DGKB: variants seen among roughly 807,000 people sequenced by gnomAD.
The protein encoded by DGKB is diacylglycerol kinase beta.
DGKB carries 67 observed loss-of-function variants against 114.3 expected under a neutral mutation model. The observed-to-expected ratio is 0.59, with a 90% CI of 0.48 to 0.72. The LOEUF (loss-of-function observed/expected upper bound fraction) is 0.72. DGKB is among the 30% of genes least tolerant of loss of function. The pLI, the probability that DGKB is intolerant of heterozygous loss-of-function variation, is 0.00. For missense variants in DGKB, 907 were observed against 975.2 expected, an observed-to-expected ratio of 0.93 and a Z score of 0.93; for synonymous variants, 398 against 323.1, an observed-to-expected ratio of 1.23 and a Z score of -2.49.
chr7:14,718,109 G>A lies in DGKB; in HGVS notation c.466+433C>T, dbSNP rs553237423. ...TGTGTCTCTGCCAACAAGAGTGTTA[G>A]TGCTGAAGATTGCAAGGGAGATTTC... On this transcript the variant is annotated intron_variant, in intron 6 of 25. Coordinates refer to ENST00000402815, the MANE Select transcript of DGKB (RefSeq NM_001350709.2). Among the ~76,000 whole-genome samples the A allele has an allele frequency of 5.9e-5, 9 of 152,312 alleles. No individual in the cohort carries two copies. The East Asian group carries it at 9.7e-4, about 16-fold the overall frequency.
Position 14,148,848 on chromosome 7 carries a change from G to A in DGKB, c.*283C>T, listed in dbSNP as rs546613979. On this transcript the variant is annotated 3_prime_UTR_variant, in exon 26 of 26. Transcript: ENST00000402815. The stretch of plus-strand genomic sequence containing the variant: ...AGGTTAGTAAAAGGAAATTGGGGAA[G>A]AGTTGGGTGGGAGATGTAAAAATCT... 9 of 417,492 alleles carry A rather than the reference G, an allele frequency of 2.2e-5. No individual in the cohort carries two copies. The highest frequency in any genetic ancestry group is 1.1e-4 in the African/African-American group (5 of 47,598). 25.9% of individuals were successfully genotyped at this position (417,492 alleles called of 1,614,324 possible).
intron 20 of DGKB, among the ~76,000 whole-genome samples, chr7:14,540,975 G>A (rs1793333400): frequency 6.6e-6 from 1 of 152,128 alleles, no homozygotes; most frequent in Non-Finnish European, 1.5e-5. Context: ...TGTATGCAAT[G>A]TATATGAATG....
intron 25 of DGKB, among the ~76,000 whole-genome samples, chr7:14,157,829 T>C (rs1783249074): frequency 6.6e-6 from 1 of 152,186 alleles, no homozygotes; most frequent in Admixed American, 6.6e-5. Flanking sequence ...AAATCTGTGG[T>C]CACATGGAAA....
At chr7:14,493,925 TACACACACACAC>T (rs372780599) in intron 20 of DGKB, among the ~76,000 whole-genome samples, 5 of 137,630 alleles carry the variant, frequency 3.6e-5, no homozygotes, top group Non-Finnish European at 8.1e-5. Flanking sequence ...CATGGTATCA[TACACACACACAC>T]ACACACACAC....
chr7:14,845,828 T>TA (rs199838244), intron 1 of DGKB, among the ~76,000 whole-genome samples: 2,752 of 141,694 alleles, frequency 0.019, 61 homozygotes, highest in South Asian at 0.058. Context: ...GAATGGGCAT[T>TA]AAAAAAAAAA....
intron 21 of DGKB, among the ~76,000 whole-genome samples, chr7:14,369,662 T>C (rs1280846996): frequency 6.6e-6 from 1 of 152,250 alleles, no homozygotes; most frequent in Non-Finnish European, 1.5e-5. Flanking sequence ...TGCATTTCTG[T>C]AATGACCAGT....
intron 25 of DGKB, among the ~76,000 whole-genome samples, chr7:14,157,133 A>G (rs1383972047): frequency 4.6e-5 from 7 of 152,138 alleles, no homozygotes; most frequent in Admixed American, 3.3e-4. Context: ...TCAGAGCAAA[A>G]TAAATACCAT....
chr7:14,510,743 C>T (rs1787863806), intron 20 of DGKB, among the ~76,000 whole-genome samples: 1 of 152,236 alleles, frequency 6.6e-6, no homozygotes, highest in Non-Finnish European at 1.5e-5. Flanking sequence ...TATAGCCTTA[C>T]AAAATGTATT....
intron 25 of DGKB, among the ~76,000 whole-genome samples, chr7:14,163,979 C>T (rs1784277066): frequency 6.6e-6 from 1 of 150,710 alleles, no homozygotes; most frequent in Non-Finnish European, 1.5e-5. Flanking sequence ...TGGGCAACAG[C>T]AGAGAAACTC....
intron 1 of DGKB, among the ~76,000 whole-genome samples, chr7:14,891,436 C>T (rs901858024): frequency 3.7e-4 from 56 of 151,272 alleles, no homozygotes; most frequent in African/African-American, 1.3e-3. Context: ...AAACAAAGAA[C>T]CAGAGACACA....
At chr7:14,576,769 G>A (rs1799184853) in intron 19 of DGKB, among the ~76,000 whole-genome samples, 1 of 152,176 alleles carries the variant, frequency 6.6e-6, no homozygotes, top group African/African-American at 2.4e-5. Flanking sequence ...CATCTAGATT[G>A]TAGCAGGGTC....
intron 2 of DGKB, among the ~76,000 whole-genome samples, chr7:14,800,273 C>T (rs1332968493): frequency 6.6e-6 from 1 of 152,332 alleles, no homozygotes; most frequent in Admixed American, 6.5e-5. Flanking sequence ...GTGATGGTTA[C>T]TACCGAGTGT....
chr7:14,648,767 T>C (rs1813740773), intron 13 of DGKB, among the ~76,000 whole-genome samples: 1 of 141,388 alleles, frequency 7.1e-6, no homozygotes, highest in Non-Finnish European at 1.5e-5. Context: ...GAAGAATGTA[T>C]AACTAGAATA....
chr7:14,298,103 T>G (rs1457384665), intron 23 of DGKB, among the ~76,000 whole-genome samples: 1 of 152,128 alleles, frequency 6.6e-6, no homozygotes, highest in Non-Finnish European at 1.5e-5. Flanking sequence ...ATAGGAAGAA[T>G]CAATATTGTG....
chr7:14,267,116 T>C (rs1797628607), intron 23 of DGKB, among the ~76,000 whole-genome samples: 1 of 152,232 alleles, frequency 6.6e-6, no homozygotes, highest in Non-Finnish European at 1.5e-5. Flanking sequence ...AGTTTTTTGA[T>C]GTTTTTTCTA....
At chr7:14,451,854 GC>G (rs1409382113) in intron 21 of DGKB, among the ~76,000 whole-genome samples, 1 of 151,948 alleles carries the variant, frequency 6.6e-6, no homozygotes, top group East Asian at 1.9e-4. Flanking sequence ...AGTAAGAGTG[GC>G]CACTCAAAAA....
chr7:14,529,307 A>G (rs1458972047), intron 20 of DGKB, among the ~76,000 whole-genome samples: 1 of 151,846 alleles, frequency 6.6e-6, no homozygotes, highest in Non-Finnish European at 1.5e-5. Context: ...TGGAGAAACT[A>G]TGGCTTAACA....
chr7:14,530,476 T>C (rs1791397991), intron 20 of DGKB, among the ~76,000 whole-genome samples: 2 of 151,594 alleles, frequency 1.3e-5, no homozygotes, highest in Admixed American at 1.3e-4. Flanking sequence ...CCTTGATTTC[T>C]TCTTAACTTA....
intron 14 of DGKB, 105 bp from the exon 15 acceptor site, chr7:14,621,599 C>A: frequency 1.5e-6 from 1 of 662,866 alleles, no homozygotes; most frequent in Non-Finnish European, 2.5e-6. Flanking sequence ...CAAACACAGG[C>A]TCAACTTTCT....
Sources: allele counts gnomAD v4.1 joint callset (sites outside exome capture counted in the v4.1 genomes callset), GRCh38; gene constraint gnomAD v4.1.1; transcripts MANE v1.5; gene names NCBI Gene and HGNC (gene_info 2026-07-23, HGNC 2026-07-21).